TNIP3: variants seen among roughly 807,000 people sequenced by gnomAD.
TNIP3 encodes the protein TNFAIP3-interacting protein 3.
TNIP3 carries 34 observed loss-of-function variants against 54.1 expected under a neutral mutation model. The ratio of observed to expected loss-of-function variants is 0.63; its 90% CI spans 0.48 to 0.84. The LOEUF is 0.84. Ranked by LOEUF, TNIP3 falls within the 40% of genes least tolerant of loss-of-function variation. The pLI is 0.00. For missense variants in TNIP3, 366 were observed against 387.6 expected (o/e 0.94, Z 0.47); for synonymous variants, 134 against 136.8 (o/e 0.98, Z 0.14).
chr4:121,158,909 A>T (rs976647952), intron 2 of TNIP3, among the ~76,000 whole-genome samples, 157 bp from the exon 3 acceptor site: 7 of 152,292 alleles, frequency 4.6e-5, no homozygotes, highest in African/African-American at 1.7e-4. Flanking sequence ...GGGATGATTA[A>T]ATTGAACACA....
At chr4:121,202,492 A>T (rs1039942173) in intron 2 of TNIP3, among the ~76,000 whole-genome samples, 1 of 152,150 alleles carries the variant, frequency 6.6e-6, no homozygotes, top group Non-Finnish European at 1.5e-5. Flanking sequence ...ACCTTTCTAG[A>T]CATTGGCAAA....
intron 3 of TNIP3, among the ~76,000 whole-genome samples, chr4:121,169,910 T>C (rs762201854): frequency 5.3e-5 from 8 of 152,220 alleles, no homozygotes; most frequent in Non-Finnish European, 1.2e-4. Flanking sequence ...TATATACTTT[T>C]AGTTTTTAGG....
intron 3 of TNIP3, among the ~76,000 whole-genome samples, chr4:121,181,347 G>A (rs1424969279): frequency 6.6e-6 from 1 of 152,196 alleles, no homozygotes; most frequent in African/African-American, 2.4e-5. Flanking sequence ...TAAATTTCTA[G>A]TTGGGAGTTG....
At chr4:121,222,103 G>T (rs1468642918) in intron 1 of TNIP3, among the ~76,000 whole-genome samples, 1 of 152,122 alleles carries the variant, frequency 6.6e-6, no homozygotes, top group South Asian at 2.1e-4. Context: ...ATACTTAAGT[G>T]TTATGAAAAC....
intron 5 of TNIP3, among the ~76,000 whole-genome samples, chr4:121,154,029 A>T (rs1729927428): frequency 6.6e-6 from 1 of 151,918 alleles, no homozygotes; most frequent in Non-Finnish European, 1.5e-5. Flanking sequence ...ACACCCCTGC[A>T]TGCACACACG....
At chr4:121,161,714 A>G (rs1216141617) in intron 1 of TNIP3, among the ~76,000 whole-genome samples, 1 of 152,212 alleles carries the variant, frequency 6.6e-6, no homozygotes, top group Non-Finnish European at 1.5e-5. Context: ...GAAAAAGACA[A>G]ACACATACAG....
intron 4 of TNIP3, 133 bp downstream of exon 4, chr4:121,156,961 T>C: frequency 8.7e-7 from 1 of 1,150,576 alleles, no homozygotes; most frequent in Non-Finnish European, 1.2e-6. Flanking sequence ...GCGTAACCCA[T>C]GCACCCTTGC....
At chr4:121,147,900 G>A (rs187021931) in intron 6 of TNIP3, among the ~76,000 whole-genome samples, 413 of 152,176 alleles carry the variant, frequency 2.7e-3, no homozygotes, top group Non-Finnish European at 4.5e-3. Context: ...GTTCTAAGTC[G>A]ACAGCAATAG....
At chr4:121,191,847 A>G (rs1725324417) in intron 2 of TNIP3, among the ~76,000 whole-genome samples, 1 of 152,198 alleles carries the variant, frequency 6.6e-6, no homozygotes, top group African/African-American at 2.4e-5. Context: ...AATATTTGAA[A>G]GGACCTTTTT....
At chr4:121,201,594 T>C (rs1725890292) in intron 2 of TNIP3, among the ~76,000 whole-genome samples, 1 of 152,184 alleles carries the variant, frequency 6.6e-6, no homozygotes, top group Non-Finnish European at 1.5e-5. Context: ...GCAATACATG[T>C]CTGCATGTTG....
At chr4:121,192,019 A>G (rs72685950) in intron 2 of TNIP3, among the ~76,000 whole-genome samples, 3 of 152,350 alleles carry the variant, frequency 2.0e-5, no homozygotes, top group Non-Finnish European at 2.9e-5. Flanking sequence ...ATAGAAATGC[A>G]TTACCTTTTT....
intron 2 of TNIP3, among the ~76,000 whole-genome samples, chr4:121,214,123 A>C (rs2148848883): frequency 6.6e-6 from 1 of 152,286 alleles, no homozygotes; most frequent in Non-Finnish European, 1.5e-5. Context: ...TCAGGTGCTC[A>C]CTATTCTCTT....
At position 121,186,538 on chromosome 4, in the gene TNIP3, A is replaced by T. The variant is rs554774912; in HGVS notation, c.69-3742T>A. Among the ~76,000 whole-genome samples the T allele has an allele frequency of 2.0e-5, 3 of 152,346 alleles. No homozygotes were observed. The South Asian group carries it at 6.2e-4, about 32-fold the overall frequency. ...GAACATAACAGTGGGACCTAGTGTAAGTCCTTTAGCTTCTATGAACCTTTT... is the reference window on the plus strand; with the variant it reads ...GAACATAACAGTGGGACCTAGTGTATGTCCTTTAGCTTCTATGAACCTTTT... On this transcript the variant is annotated intron_variant, in intron 2 of 12. Transcript: ENST00000507879.
chr4:121,175,449 A>G (rs1292235837), intron 3 of TNIP3, among the ~76,000 whole-genome samples: 2 of 152,200 alleles, frequency 1.3e-5, no homozygotes, highest in East Asian at 3.9e-4. Flanking sequence ...TGCTTCCCCC[A>G]CCAAGCCTCC....
upstream of TNIP3, among the ~76,000 whole-genome samples, chr4:121,167,079 A>C (rs570197512): frequency 1.3e-5 from 2 of 152,182 alleles, no homozygotes; most frequent in African/African-American, 4.8e-5. Flanking sequence ...TTTTAAAGAT[A>C]GGACCATCAA....
At chr4:121,172,732 T>C (rs1247408036) in intron 3 of TNIP3, among the ~76,000 whole-genome samples, 1 of 152,178 alleles carries the variant, frequency 6.6e-6, no homozygotes, top group African/African-American at 2.4e-5. Context: ...CTAGGTACCA[T>C]TATGTGTAGG....
chr4:121,144,381 G>A (rs1160617864), intron 7 of TNIP3, among the ~76,000 whole-genome samples: 1 of 152,026 alleles, frequency 6.6e-6, no homozygotes, highest in Non-Finnish European at 1.5e-5. Flanking sequence ...TGAGCTAAAT[G>A]TTTTCTAAAG....
chr4:121,216,715 T>C (rs1726809708), upstream of TNIP3: 3 of 1,094,704 alleles, frequency 2.7e-6, no homozygotes, highest in Admixed American at 9.4e-5. Context: ...AACCACTGGG[T>C]GTAAACACAG....
At chr4:121,186,997 G>T (rs989624505) in intron 2 of TNIP3, among the ~76,000 whole-genome samples, 1 of 151,798 alleles carries the variant, frequency 6.6e-6, no homozygotes, top group African/African-American at 2.4e-5. Context: ...CATAAATTTC[G>T]ATTTGACCTA....
Sources: allele counts gnomAD v4.1 joint callset (sites outside exome capture counted in the v4.1 genomes callset), GRCh38; gene constraint gnomAD v4.1.1; transcripts MANE v1.5; gene names NCBI Gene and HGNC (gene_info 2026-07-23, HGNC 2026-07-21).